Variants in TBXAS1 observed in about 807,000 individuals in gnomAD.
TBXAS1 encodes thromboxane A synthase 1.
TBXAS1 carries 48 observed loss-of-function variants against 60.7 expected under a neutral mutation model. That is an observed-to-expected ratio of 0.79 (90% CI 0.63 to 1.01). The LOEUF is 1.01. Among genes scored for constraint, TBXAS1 ranks in the 50% least tolerant of loss-of-function variants. TBXAS1 has a pLI of 0.00. For missense variants in TBXAS1, 685 were observed against 686.3 expected, an observed-to-expected ratio of 1.00 and a Z score of 0.02; for synonymous variants, 287 against 269.7, an observed-to-expected ratio of 1.06 and a Z score of -0.63.
intron 9 of TBXAS1, among the ~76,000 whole-genome samples, chr7:139,984,745 A>G (rs1812269327): frequency 7.3e-6 from 1 of 136,108 alleles, no homozygotes; most frequent in Non-Finnish European, 1.6e-5. Context: ...AAAGAAGAAA[A>G]AGAAAAGAAA....
rs192586674 is a variant in TBXAS1 at position 139,984,154 on chromosome 7, C to T, written c.1134+21921C>T. On this transcript the variant is annotated intron_variant, in intron 9 of 12. Coordinates refer to ENST00000448866, the MANE Select transcript of TBXAS1 (RefSeq NM_001061.7). ...TGTGGCCCTGGGGCATGACACAGTT[C>T]CCCCTAAGCCTCGCTTCTTCACTGT... is the stretch of plus-strand genomic sequence containing the variant. 4.6e-5 allele frequency among the ~76,000 whole-genome samples: 7 copies of T among 152,348 alleles called. No individual in the cohort carries two copies. The South Asian group carries it at 1.0e-3, about 23-fold the overall frequency.
chr7:140,006,581 T>C (rs1814094037), intron 9 of TBXAS1, among the ~76,000 whole-genome samples: 1 of 152,210 alleles, frequency 6.6e-6, no homozygotes, highest in African/African-American at 2.4e-5. Flanking sequence ...TAGTAGCTCT[T>C]TGGTTTTTGT....
intron 4 of TBXAS1, among the ~76,000 whole-genome samples, chr7:139,811,847 A>C (rs552142491): frequency 6.6e-6 from 1 of 152,376 alleles, no homozygotes; most frequent in Admixed American, 6.5e-5. Flanking sequence ...GTTAGTCTAC[A>C]TGACAGTGAC....
chr7:139,881,079 T>C (rs1802655153), intron 3 of TBXAS1, among the ~76,000 whole-genome samples: 1 of 152,218 alleles, frequency 6.6e-6, no homozygotes, highest in African/African-American at 2.4e-5. Flanking sequence ...TGCAATGTAT[T>C]TTGTTTTCTG....
chr7:139,796,027 T>C (rs1257488953), intron 4 of TBXAS1, among the ~76,000 whole-genome samples: 1 of 152,198 alleles, frequency 6.6e-6, no homozygotes, highest in African/African-American at 2.4e-5. Flanking sequence ...ACAAAAAATA[T>C]GTGTCTAATC....
chr7:139,898,152 A>G (rs1411328173), intron 3 of TBXAS1, among the ~76,000 whole-genome samples: 1 of 152,118 alleles, frequency 6.6e-6, no homozygotes, highest in East Asian at 1.9e-4. Flanking sequence ...TGAGCATCTC[A>G]GACACTCACA....
chr7:139,921,154 T>C (rs924484128), intron 4 of TBXAS1, among the ~76,000 whole-genome samples: 1 of 152,198 alleles, frequency 6.6e-6, no homozygotes, highest in African/African-American at 2.4e-5. Flanking sequence ...TTATTGTCTA[T>C]GTATTCCCCT....
chr7:139,793,289 G>A lies in TBXAS1; in HGVS notation c.-80+5863G>A, dbSNP rs139618272. 1.5e-4 allele frequency among the ~76,000 whole-genome samples: 23 copies of A among 152,122 alleles called. 1 individual carries two copies. The East Asian group carries it at 3.9e-3, about 26-fold the overall frequency. ...AAAAAATTTAGCTGGACATGGTGGC[G>A]CACTCTTGTAGTCCCAGCTACTCAA... On this transcript the variant is annotated intron_variant, in intron 4 of 16. Coordinates refer to the TBXAS1 transcript ENST00000336425.
chr7:140,010,404 G>A (rs1209390955), intron 10 of TBXAS1, among the ~76,000 whole-genome samples: 2 of 152,174 alleles, frequency 1.3e-5, no homozygotes, highest in Non-Finnish European at 2.9e-5. Context: ...CTGTCTGAGC[G>A]CCACTGAGGT....
At chr7:139,789,270 GCT>G (rs1183799901) in intron 4 of TBXAS1, 3 of 145,970 alleles carry the variant, frequency 2.1e-5, no homozygotes, top group Non-Finnish European at 4.5e-5. Context: ...ACAGGGTCTT[GCT>G]CTGTTGCCCA....
intron 4 of TBXAS1, among the ~76,000 whole-genome samples, chr7:139,788,209 C>G (rs1797260111): frequency 6.6e-6 from 1 of 152,178 alleles, no homozygotes; most frequent in African/African-American, 2.4e-5. Flanking sequence ...TCCCCCTATC[C>G]AAGTTCACAG....
At chr7:139,794,977 G>A (rs1797516876) in intron 4 of TBXAS1, among the ~76,000 whole-genome samples, 11 of 116,578 alleles carry the variant, frequency 9.4e-5, no homozygotes, top group East Asian at 2.6e-4. Flanking sequence ...ATAAACATAC[G>A]TGTGCATGTG....
rs1465898156 is a variant in TBXAS1, at chr7:139,932,153, C to A, written c.334-4038C>A. ...TTGCACTCCAGCCTGGGCAACAGAG[C>A]GAGACTCCATCTCAAAAAAAAAAAA... On this transcript the variant is annotated intron_variant, in intron 4 of 12. Transcript: ENST00000448866. Among the ~76,000 whole-genome samples, 4 of 124,814 alleles carry A rather than the reference C, an allele frequency of 3.2e-5. No individual in the cohort carries two copies. In the East Asian group the frequency reaches 8.7e-4, roughly 27 times the overall value. 81.9% of individuals were successfully genotyped at this position (124,814 alleles called of 152,430 possible). A position where few individuals can be genotyped will look rare whatever the true frequency, so the allele number is the denominator to read the frequency against.
chr7:139,928,408 G>T (rs934652495), intron 4 of TBXAS1, among the ~76,000 whole-genome samples: 4 of 152,170 alleles, frequency 2.6e-5, no homozygotes, highest in African/African-American at 7.2e-5. Context: ...ATGTTCACGA[G>T]TGACATTGGC....
At chr7:139,984,498 T>C (rs966166756) in intron 9 of TBXAS1, among the ~76,000 whole-genome samples, 1 of 151,292 alleles carries the variant, frequency 6.6e-6, no homozygotes, top group Non-Finnish European at 1.5e-5. Context: ...CTCTCTCCTT[T>C]TGAACTAGAA....
chr7:139,911,436 C>A, intron 4 of TBXAS1, 115 bp downstream of exon 4: 2 of 933,098 alleles, frequency 2.1e-6, no homozygotes, highest in Non-Finnish European at 3.5e-6. Context: ...TATGTCAGTT[C>A]CACTCAAAAC....
At chr7:139,843,429 G>C (rs1456630992) in intron 1 of TBXAS1, among the ~76,000 whole-genome samples, 1 of 151,952 alleles carries the variant, frequency 6.6e-6, no homozygotes, top group Admixed American at 6.6e-5. Flanking sequence ...TGCAACCTCC[G>C]CCTCCCGGGT....
intron 11 of TBXAS1, chr7:140,016,917 T>A (rs1447301313): frequency 1.3e-5 from 2 of 152,618 alleles, no homozygotes; most frequent in African/African-American, 4.8e-5. Flanking sequence ...CTCCTGAACG[T>A]GCCGCAGCCA....
At chr7:139,979,724 T>A (rs1811823554) in intron 9 of TBXAS1, among the ~76,000 whole-genome samples, 1 of 108,606 alleles carries the variant, frequency 9.2e-6, no homozygotes, top group Non-Finnish European at 1.8e-5. Context: ...CAAGATTCCA[T>A]CTCAATAATA....
Sources: gnomAD v4.1 joint callset for allele counts (sites outside exome capture counted in the v4.1 genomes callset) on GRCh38, gnomAD v4.1.1 for gene constraint, MANE v1.5 for transcripts, NCBI Gene and HGNC (gene_info 2026-07-23, HGNC 2026-07-21) for gene names.